The following CCDC175 variants were observed in gnomAD, a reference collection of about 807,000 sequenced individuals.
CCDC175 encodes coiled-coil domain containing 175, also known as coiled-coil domain-containing protein 175.
CCDC175 carries 100 observed loss-of-function variants against 114.6 expected under a neutral mutation model. The observed-to-expected ratio is 0.87, with a 90% CI of 0.74 to 1.03. The LOEUF (loss-of-function observed/expected upper bound fraction) is 1.03, where lower values mean the gene tolerates loss of function less well. Among genes scored for constraint, CCDC175 ranks in the 50% least tolerant of loss-of-function variants. The pLI, the probability that CCDC175 is intolerant of heterozygous loss-of-function variation, is 0.00. For synonymous variants in CCDC175, 306 were observed against 308.7 expected (o/e 0.99, Z 0.09); for missense variants, 880 against 917.8 (o/e 0.96, Z 0.53).
intron 3 of CCDC175, among the ~76,000 whole-genome samples, chr14:59,569,752 A>G (rs1008828284): frequency 1.3e-5 from 2 of 152,212 alleles, no homozygotes; most frequent in African/African-American, 2.4e-5. Flanking sequence ...TCAGGGTCCA[A>G]TTAGGAGATA....
At chr14:59,570,111 C>T (rs533267497) in intron 3 of CCDC175, among the ~76,000 whole-genome samples, 1 of 152,106 alleles carries the variant, frequency 6.6e-6, no homozygotes, top group African/African-American at 2.4e-5. Context: ...TACAAAACTA[C>T]CCAAGGGGGT....
chr14:59,516,906 T>C (rs1328284954), intron 17 of CCDC175, among the ~76,000 whole-genome samples: 1 of 152,128 alleles, frequency 6.6e-6, no homozygotes, highest in East Asian at 1.9e-4. Context: ...TGAACATTGA[T>C]GCAAAAATCC....
chr14:59,533,921 G>A (rs952209644), intron 13 of CCDC175, among the ~76,000 whole-genome samples: 53 of 151,368 alleles, frequency 3.5e-4, no homozygotes, highest in Non-Finnish European at 6.0e-4. Context: ...CCCGGGAGGC[G>A]GAGGTTGCAG....
In CCDC175 at chr14:59,551,963, C is replaced by T. The variant is rs146494756; in HGVS notation, c.954-527G>A. 9.5e-3 allele frequency among the ~76,000 whole-genome samples: 1,445 copies of T among 152,328 alleles called. 23 individuals carry two copies. Among genetic ancestry groups the T allele is most frequent in the African/African-American group, 0.031 (1,278 of 41,568 alleles). On this transcript the variant is annotated intron_variant, in intron 7 of 19. Coordinates refer to ENST00000537690, the MANE Select transcript of CCDC175 (RefSeq NM_001164399.2). ...CCAAGGCTTGAATAGGTAAACAAAGCGGCCTGGAAGATGGAACAGGGTGGA... is the reference window on the plus strand; with the variant it reads ...CCAAGGCTTGAATAGGTAAACAAAGTGGCCTGGAAGATGGAACAGGGTGGA...
intron 16 of CCDC175, among the ~76,000 whole-genome samples, chr14:59,524,517 C>T (rs542473734): frequency 6.6e-6 from 1 of 152,258 alleles, no homozygotes; most frequent in South Asian, 2.1e-4. Context: ...CAGGAAAACA[C>T]AAATTAGTGG....
At chr14:59,510,511 C>T (rs1402062941) in intron 19 of CCDC175, 135 bp downstream of exon 19, 1 of 850,250 alleles carries the variant, frequency 1.2e-6, no homozygotes. Flanking sequence ...TATCAATGTT[C>T]AATTGAATGT....
intron 17 of CCDC175, among the ~76,000 whole-genome samples, chr14:59,516,909 A>G (rs111571232): frequency 1.3e-5 from 2 of 152,156 alleles, no homozygotes; most frequent in African/African-American, 2.4e-5. Flanking sequence ...ACATTGATGC[A>G]AAAATCCTCA....
At chr14:59,576,331 C>T (rs146200824) in intron 1 of CCDC175, among the ~76,000 whole-genome samples, 1 of 152,290 alleles carries the variant, frequency 6.6e-6, no homozygotes, top group African/African-American at 2.4e-5. Flanking sequence ...AATCAGGTCG[C>T]AGGCATAGGG....
rs1420533432 is a variant in CCDC175, at chr14:59,568,395, G to A, written c.356-15C>T. 6 of 1,489,622 alleles carry A rather than the reference G, an allele frequency of 4.0e-6. No homozygotes were observed. The East Asian group carries it at 1.0e-4, about 26-fold the overall frequency. The allele number at this position is 1,489,622 out of a possible 1,614,324, so 92.3% of individuals were successfully genotyped here. A position where few individuals can be genotyped will look rare whatever the true frequency, so the allele number is the denominator to read the frequency against. ...TCGGACACATTCTTCAAAGTAAGTG[G>A]AAATATTACTACATTATTTGAGGAA... On this transcript the variant is annotated splice_polypyrimidine_tract_variant and intron_variant, in intron 3 of 19. Coordinates refer to ENST00000537690, the MANE Select transcript of CCDC175 (RefSeq NM_001164399.2).
intron 17 of CCDC175, among the ~76,000 whole-genome samples, chr14:59,521,121 C>T (rs761300700): frequency 1.6e-4 from 24 of 152,200 alleles, no homozygotes; most frequent in Admixed American, 3.3e-4. Flanking sequence ...AAAGGAGATT[C>T]ACATTTGAGT....
intron 2 of CCDC175, among the ~76,000 whole-genome samples, chr14:59,573,040 ATTATC>A (rs1468885262): frequency 2.0e-5 from 3 of 152,134 alleles, no homozygotes; most frequent in Non-Finnish European, 4.4e-5. Flanking sequence ...CTACTGAGAA[ATTATC>A]TTTTCTTTAT....
At chr14:59,529,573 G>T (rs1555342927) in intron 14 of CCDC175, among the ~76,000 whole-genome samples, 1 of 152,074 alleles carries the variant, frequency 6.6e-6, no homozygotes, top group Non-Finnish European at 1.5e-5. Flanking sequence ...TTTTTGGCAG[G>T]CTTTTGGTGT....
intron 17 of CCDC175, among the ~76,000 whole-genome samples, chr14:59,512,971 T>C (rs898857424): frequency 2.6e-5 from 4 of 152,164 alleles, no homozygotes; most frequent in Non-Finnish European, 5.9e-5. Context: ...TGTGAAGCTA[T>C]AGTAATTAAG....
rs112296901 is a variant in CCDC175, at chr14:59,531,192, A to T, written c.1762+580T>A. 2.1e-3 allele frequency among the ~76,000 whole-genome samples: 319 copies of T among 152,240 alleles called. 1 individual carries two copies. The highest frequency in any genetic ancestry group is 6.9e-3 in the African/African-American group (287 of 41,538). On this transcript the variant is annotated intron_variant, in intron 14 of 19. Transcript: ENST00000537690. The stretch of plus-strand genomic sequence containing the variant: ...GCACAGGGTTGAATGATTACATCCA[A>T]TTTTTTGTGGAGAAAATAATTATTT...
intron 14 of CCDC175, among the ~76,000 whole-genome samples, chr14:59,529,612 T>C (rs1417704812): frequency 1.3e-5 from 2 of 152,114 alleles, no homozygotes; most frequent in Admixed American, 6.6e-5. Context: ...CTCTATCCAA[T>C]TACATCTTCC....
chr14:59,529,416 T>C (rs758576207), intron 14 of CCDC175, among the ~76,000 whole-genome samples: 3 of 152,182 alleles, frequency 2.0e-5, no homozygotes, highest in African/African-American at 7.2e-5. Context: ...AGAAGGGGAT[T>C]TGACCTGGAG....
chr14:59,513,185 G>C (rs560151997), intron 17 of CCDC175, among the ~76,000 whole-genome samples: 1 of 152,168 alleles, frequency 6.6e-6, no homozygotes, highest in Non-Finnish European at 1.5e-5. Flanking sequence ...CTTGAGGGGG[G>C]TGGAGCCAAG....
intron 7 of CCDC175, among the ~76,000 whole-genome samples, chr14:59,559,322 A>G (rs1187380999): frequency 6.6e-6 from 1 of 152,168 alleles, no homozygotes; most frequent in Non-Finnish European, 1.5e-5. Flanking sequence ...CTGGATATCA[A>G]TGATAAGAAA....
intron 5 of CCDC175, among the ~76,000 whole-genome samples, chr14:59,564,124 T>A (rs1896383697): frequency 6.6e-6 from 1 of 152,198 alleles, no homozygotes; most frequent in South Asian, 2.1e-4. Context: ...ACAATGATTG[T>A]TAATAACTAA....
Sources: gnomAD v4.1 joint callset for allele counts (sites outside exome capture counted in the v4.1 genomes callset) on GRCh38, gnomAD v4.1.1 for gene constraint, MANE v1.5 for transcripts, NCBI Gene and HGNC (gene_info 2026-07-23, HGNC 2026-07-21) for gene names.